Variants in ANXA5 observed in about 807,000 individuals in gnomAD.
ANXA5 encodes the protein annexin A5.
A neutral mutation model predicts 48.1 loss-of-function variants in ANXA5; 40 were observed. The ratio of observed to expected loss-of-function variants is 0.83; its 90% CI spans 0.65 to 1.08. The LOEUF (loss-of-function observed/expected upper bound fraction) is 1.08. ANXA5 is among the 50% of genes least tolerant of loss of function. ANXA5 has a pLI of 0.00. For missense variants in ANXA5, 357 were observed against 376.8 expected (o/e 0.95, Z 0.44); for synonymous variants, 113 against 129.1 (o/e 0.88, Z 0.85).
At chr4:121,676,685 G>T (rs150038667) in intron 8 of ANXA5, among the ~76,000 whole-genome samples, 5 of 146,354 alleles carry the variant, frequency 3.4e-5, no homozygotes, top group Non-Finnish European at 7.6e-5. Context: ...GGGGGCGGGG[G>T]GGGGTATGGT....
intron 6 of ANXA5, among the ~76,000 whole-genome samples, chr4:121,680,068 C>T (rs1039462773): frequency 6.6e-6 from 1 of 152,168 alleles, no homozygotes; most frequent in Non-Finnish European, 1.5e-5. Context: ...CACCCCTACA[C>T]CCTAGCAAAC....
rs1379390269 is a variant in ANXA5, at chr4:121,678,492, A to G, written c.397T>C (p.Tyr133His). Residue 133 changes from tyrosine to histidine, a missense_variant and splice_region_variant, in exon 7 of 13, where the codon TAT becomes CAT. Physicochemically the swap from Tyr to His is moderately conservative, Grantham distance 83. Transcript: ENST00000296511. ...RAIKQVYEEE[Y>H]GSSLEDDVVG... ...ACGTCATCTTCCAGGCTTGAGCCAT[A>G]TTCTGCAACAAAATAATTTCATACT... The G allele has an allele frequency of 6.8e-6, 11 of 1,612,456 alleles. No individual in the cohort carries two copies. The highest frequency in any genetic ancestry group is 2.7e-5 in the African/African-American group (2 of 74,890).
chr4:121,695,315 T>A (rs139880266), intron 2 of ANXA5, among the ~76,000 whole-genome samples: 129 of 152,342 alleles, frequency 8.5e-4, no homozygotes, highest in African/African-American at 2.7e-3. Flanking sequence ...GTAAGTTTCA[T>A]AAAGTAATCA....
chr4:121,670,059 A>G (rs1382700503), intron 10 of ANXA5, 47 bp from the exon 11 acceptor site: 9 of 1,367,648 alleles, frequency 6.6e-6, no homozygotes, highest in Non-Finnish European at 9.2e-6. Flanking sequence ...TTGATATGTA[A>G]AGGATTAAGT....
intron 8 of ANXA5, 88 bp downstream of exon 8, chr4:121,677,806 T>A (rs1487075598): frequency 7.0e-6 from 8 of 1,147,832 alleles, no homozygotes; most frequent in Non-Finnish European, 1.0e-5. Flanking sequence ...TAGAAGCTAT[T>A]ACAACATACA....
At position 121,671,596 on chromosome 4, in the gene ANXA5, G is replaced by C; in HGVS notation, c.672C>G (p.Thr224=). 6 of 1,613,432 alleles carry C rather than the reference G, an allele frequency of 3.7e-6. No individual in the cohort carries two copies. The highest frequency in any genetic ancestry group is 5.1e-6 in the Non-Finnish European group (6 of 1,179,548). The part of the protein sequence containing the change: ...MTISGFQIEE[T]IDRETSGNLE... ...AATTGCCAGAAGTCTCGCGGTCAAT[G>C]GTTTCCTCAATTTGAAATCCTGATA... Residue 224 remains threonine, a synonymous_variant, in exon 10 of 13, where the codon ACC becomes ACG. Transcript: ENST00000296511.
intron 3 of ANXA5, among the ~76,000 whole-genome samples, 172 bp from the exon 4 acceptor site, chr4:121,684,943 G>C (rs916685682): frequency 6.6e-6 from 1 of 151,260 alleles, no homozygotes; most frequent in African/African-American, 2.4e-5. Context: ...TCTTTGGGAG[G>C]CCAAGATGGG....
At chr4:121,680,792 G>A (rs965696116) in intron 6 of ANXA5, among the ~76,000 whole-genome samples, 4 of 152,156 alleles carry the variant, frequency 2.6e-5, no homozygotes, top group East Asian at 1.9e-4. Context: ...CTGCCTTAGC[G>A]GTTGGGAACT....
chr4:121,670,228 T>C (rs1201161969), intron 10 of ANXA5, among the ~76,000 whole-genome samples: 5 of 152,224 alleles, frequency 3.3e-5, no homozygotes, highest in Non-Finnish European at 1.5e-5. Flanking sequence ...GAGGTCTGCA[T>C]AGAAAGGCAT....
At chr4:121,695,824 C>T (rs1049315153) in intron 2 of ANXA5, among the ~76,000 whole-genome samples, 30 of 151,314 alleles carry the variant, frequency 2.0e-4, no homozygotes, top group Non-Finnish European at 8.8e-5. Context: ...TGCTTGAACC[C>T]GGGAGGCAGA....
intron 5 of ANXA5, among the ~76,000 whole-genome samples, chr4:121,682,084 C>T (rs1724803251): frequency 6.6e-6 from 1 of 152,054 alleles, no homozygotes; most frequent in Non-Finnish European, 1.5e-5. Context: ...AAAAGTAAAA[C>T]ATTTTCATGA....
intron 2 of ANXA5, among the ~76,000 whole-genome samples, chr4:121,690,322 G>GA: frequency 6.6e-6 from 1 of 152,284 alleles, no homozygotes; most frequent in East Asian, 1.9e-4. Context: ...AAGGCAAGAA[G>GA]AAAATCCAAG....
chr4:121,694,102 C>T (rs1237883020), intron 2 of ANXA5, among the ~76,000 whole-genome samples: 3 of 6,980 alleles, frequency 4.3e-4, no homozygotes, highest in Non-Finnish European at 2.4e-4. Context: ...CTATTGTGGG[C>T]GGGGGGGAGG....
At chr4:121,668,600 G>A in intron 12 of ANXA5, 73 bp from the exon 13 acceptor site, 3 of 1,307,436 alleles carry the variant, frequency 2.3e-6, no homozygotes, top group South Asian at 2.4e-5. Flanking sequence ...TAAATAACTG[G>A]CAACAAATTT....
At chr4:121,682,711 T>C (rs1447679053) in intron 5 of ANXA5, among the ~76,000 whole-genome samples, 2 of 152,184 alleles carry the variant, frequency 1.3e-5, no homozygotes, top group Admixed American at 1.3e-4. Flanking sequence ...AGAAACATTA[T>C]TTCCTTGTTA....
At chr4:121,694,256 T>C (rs1381415354) in intron 2 of ANXA5, among the ~76,000 whole-genome samples, 1 of 141,426 alleles carries the variant, frequency 7.1e-6, no homozygotes, top group African/African-American at 2.7e-5. Context: ...AATAAAAATA[T>C]ATATATAATA....
intron 6 of ANXA5, chr4:121,681,216 A>AAT (rs1724788271): frequency 6.6e-6 from 1 of 152,488 alleles, no homozygotes; most frequent in African/African-American, 2.4e-5. Flanking sequence ...GCCATTAGCT[A>AAT]AGACAACATA....
At chr4:121,695,539 C>G (rs1713223885) in intron 2 of ANXA5, among the ~76,000 whole-genome samples, 1 of 152,208 alleles carries the variant, frequency 6.6e-6, no homozygotes, top group African/African-American at 2.4e-5. Context: ...GCCCTGGTAT[C>G]TTATTCACAA....
intron 8 of ANXA5, among the ~76,000 whole-genome samples, chr4:121,675,745 C>T (rs968818463): frequency 6.6e-6 from 1 of 152,202 alleles, no homozygotes; most frequent in Non-Finnish European, 1.5e-5. Flanking sequence ...GCAGGCATTA[C>T]CTGAGAGCAT....
Sources: allele counts gnomAD v4.1 joint callset (sites outside exome capture counted in the v4.1 genomes callset), GRCh38; gene constraint gnomAD v4.1.1; transcripts MANE v1.5; gene names NCBI Gene and HGNC (gene_info 2026-07-23, HGNC 2026-07-21).